DCLK1: variants seen among roughly 807,000 people sequenced by gnomAD.
The protein encoded by DCLK1 is doublecortin like kinase 1.
Under a neutral mutation model 86.2 loss-of-function variants are expected in DCLK1, and 16 were observed. The ratio of observed to expected loss-of-function variants is 0.19; its 90% CI spans 0.13 to 0.28. The LOEUF is 0.28. DCLK1 is among the 10% of genes least tolerant of loss of function. DCLK1 has a pLI of 1.00. For synonymous variants in DCLK1, 369 were observed against 370.5 expected (o/e 1.00, Z 0.05); for missense variants, 590 against 940.2 (o/e 0.63, Z 4.87).
intron 4 of DCLK1, among the ~76,000 whole-genome samples, chr13:35,945,480 G>C (rs1178438003): frequency 6.6e-6 from 1 of 152,188 alleles, no homozygotes; most frequent in African/African-American, 2.4e-5. Flanking sequence ...GAGTTTGGAA[G>C]CTGTGGCCAA....
At chr13:35,940,978 G>A (rs1210354585) in intron 4 of DCLK1, among the ~76,000 whole-genome samples, 2 of 152,180 alleles carry the variant, frequency 1.3e-5, no homozygotes, top group East Asian at 1.9e-4. Flanking sequence ...ACACAGTTTC[G>A]AATGTGCTTT....
chr13:35,830,283 T>C (rs1868848195), intron 8 of DCLK1, among the ~76,000 whole-genome samples: 1 of 151,906 alleles, frequency 6.6e-6, no homozygotes, highest in Non-Finnish European at 1.5e-5. Flanking sequence ...CCCAGCTACT[T>C]GGGAGGCTGA....
At chr13:36,006,903 G>A (rs535202736) in intron 3 of DCLK1, among the ~76,000 whole-genome samples, 11 of 152,312 alleles carry the variant, frequency 7.2e-5, no homozygotes, top group South Asian at 2.1e-4. Context: ...TTGGAAGACC[G>A]TCTTGATACC....
intron 3 of DCLK1, among the ~76,000 whole-genome samples, chr13:35,951,300 TGG>T (rs1877667781): frequency 3.3e-5 from 5 of 151,600 alleles, no homozygotes; most frequent in Admixed American, 2.6e-4. Context: ...GATGGATGGA[TGG>T]ATGGATGGAT....
chr13:36,013,221 C>G (rs1402572168), intron 3 of DCLK1, among the ~76,000 whole-genome samples: 23 of 151,974 alleles, frequency 1.5e-4, no homozygotes, highest in South Asian at 6.2e-4. Flanking sequence ...GCCTTCCTCT[C>G]TCAGCTCATC....
chr13:35,873,032 A>G (rs1020299839), intron 4 of DCLK1, among the ~76,000 whole-genome samples: 40 of 152,266 alleles, frequency 2.6e-4, no homozygotes, highest in African/African-American at 9.6e-4. Flanking sequence ...ATTGATAGAA[A>G]GTCAGGTCAC....
intron 3 of DCLK1, among the ~76,000 whole-genome samples, chr13:36,012,099 T>C (rs1203692746): frequency 7.1e-6 from 1 of 140,044 alleles, no homozygotes; most frequent in Admixed American, 7.2e-5. Flanking sequence ...CCTCCATCCT[T>C]TTATTTTGAG....
intron 16 of DCLK1, chr13:35,788,047 T>A: frequency 4.4e-6 from 3 of 688,442 alleles, no homozygotes; most frequent in Non-Finnish European, 7.8e-6. Flanking sequence ...AAAAAAGGAA[T>A]GAGGGGGTGT....
At chr13:36,042,254 G>T (rs917330652) in intron 3 of DCLK1, among the ~76,000 whole-genome samples, 2 of 152,130 alleles carry the variant, frequency 1.3e-5, no homozygotes, top group Admixed American at 6.6e-5. Context: ...ATTAAACATG[G>T]TTATTAAATT....
chr13:35,805,505 C>T (rs1225099614), intron 15 of DCLK1, 194 bp downstream of exon 15: 5 of 499,064 alleles, frequency 1.0e-5, no homozygotes, highest in Admixed American at 7.6e-5. Context: ...TGCCATGTTG[C>T]CCAAGCTGTC....
At chr13:35,976,108 C>T (rs949543179) in intron 3 of DCLK1, among the ~76,000 whole-genome samples, 13 of 152,140 alleles carry the variant, frequency 8.5e-5, no homozygotes, top group African/African-American at 3.1e-4. Context: ...CTGTTTTCCT[C>T]GGGGTTCCAA....
rs1277540009 is a variant in DCLK1 at position 35,770,676 on chromosome 13, GAT to G, written c.*3857_*3858del. On this transcript the variant is annotated 3_prime_UTR_variant, in exon 17 of 17. Transcript: ENST00000360631. ...TTATTGACTTACAAATTATAGAAAA[GAT>G]ATGTTATCTACAATATATGCCAGGT... 1.3e-5 allele frequency: 2 copies of G among 152,114 alleles called. No homozygotes were observed. Among genetic ancestry groups the G allele is most frequent in the African/African-American group, 4.8e-5 (2 of 41,426 alleles). 9.4% of individuals were successfully genotyped at this position (152,114 alleles called of 1,614,324 possible).
chr13:35,805,379 C>T lies in DCLK1; in HGVS notation c.1944+320G>A, dbSNP rs184260475. 2.0e-4 allele frequency: 53 copies of T among 266,594 alleles called. 1 individual carries two copies. In the Admixed American group the frequency reaches 2.7e-3, roughly 13 times the overall value. The allele number at this position is 266,594 out of a possible 1,614,324, so 16.5% of individuals were successfully genotyped here. On this transcript the variant is annotated intron_variant, in intron 15 of 16. Transcript: ENST00000360631. Reference sequence around the variant, plus strand: ...TGGCACGATCTTGGCTTACTACCACCTCTGGTTTCCAGGGTCAAGCAATCC... The same window carrying T: ...TGGCACGATCTTGGCTTACTACCACTTCTGGTTTCCAGGGTCAAGCAATCC...
chr13:35,854,722 A>C, intron 5 of DCLK1, 129 bp from the exon 6 acceptor site: 1 of 642,398 alleles, frequency 1.6e-6, no homozygotes, highest in Non-Finnish European at 2.3e-6. Flanking sequence ...ACCCTTCCAT[A>C]TGTACACTGA....
chr13:35,998,136 T>A (rs988704551), intron 3 of DCLK1, among the ~76,000 whole-genome samples: 15 of 152,166 alleles, frequency 9.9e-5, no homozygotes, highest in East Asian at 3.9e-4. Context: ...CATAATTTTT[T>A]AAATTCTGAA....
At chr13:35,904,359 T>C (rs1337054218) in intron 4 of DCLK1, among the ~76,000 whole-genome samples, 1 of 152,064 alleles carries the variant, frequency 6.6e-6, no homozygotes, top group Admixed American at 6.6e-5. Context: ...GCCCGGCTAA[T>C]TTTTGTATTT....
rs531396135 is a variant in DCLK1, at chr13:35,805,360, G to A, written c.1944+339C>T. 4 of 237,866 alleles carry A rather than the reference G, an allele frequency of 1.7e-5. No homozygotes were observed. In the East Asian group the frequency reaches 2.7e-4, roughly 16 times the overall value. The allele number at this position is 237,866 out of a possible 1,614,324, so 14.7% of individuals were successfully genotyped here. ...CATTCAGGTTGGAGTGCAGTGGCAC[G>A]ATCTTGGCTTACTACCACCTCTGGT... On this transcript the variant is annotated intron_variant, in intron 15 of 16. Coordinates refer to ENST00000360631, the MANE Select transcript of DCLK1 (RefSeq NM_001330071.2).
chr13:35,909,876 A>G (rs538891859), intron 4 of DCLK1, among the ~76,000 whole-genome samples: 89 of 152,050 alleles, frequency 5.9e-4, no homozygotes, highest in African/African-American at 2.0e-3. Flanking sequence ...TGGGCATGAG[A>G]CTTTGCCTCT....
At chr13:35,835,834 T>C (rs1869329909) in intron 8 of DCLK1, among the ~76,000 whole-genome samples, 199 bp downstream of exon 8, 1 of 152,228 alleles carries the variant, frequency 6.6e-6, no homozygotes, top group Non-Finnish European at 1.5e-5. Context: ...CTTTAATTTA[T>C]AGATTGTCCC....
Sources: gnomAD v4.1 joint callset for allele counts (sites outside exome capture counted in the v4.1 genomes callset) on GRCh38, gnomAD v4.1.1 for gene constraint, MANE v1.5 for transcripts, NCBI Gene and HGNC (gene_info 2026-07-23, HGNC 2026-07-21) for gene names.